Variants in USP53 observed in about 807,000 individuals in gnomAD.
USP53 encodes ubiquitin carboxyl-terminal hydrolase 53.
USP53 carries 71 observed loss-of-function variants against 94.9 expected under a neutral mutation model. That is an observed-to-expected ratio of 0.75 (90% CI 0.62 to 0.91). USP53 has a LOEUF of 0.91. Ranked by LOEUF, USP53 falls within the 40% of genes least tolerant of loss-of-function variation. USP53 has a pLI of 0.00. For missense variants in USP53, 1,173 were observed against 1,281.0 expected (o/e 0.92, Z 1.29); for synonymous variants, 375 against 422.7 (o/e 0.89, Z 1.39).
intron 2 of USP53, among the ~76,000 whole-genome samples, chr4:119,217,064 A>G (rs1416770364): frequency 6.6e-6 from 1 of 152,156 alleles, no homozygotes; most frequent in Admixed American, 6.5e-5. Flanking sequence ...ATTTTTAATG[A>G]TTGAGTAGTT....
Position 119,290,118 on chromosome 4 carries a change from G to A in USP53, c.2252-1047G>A, listed in dbSNP as rs188839904. Among the ~76,000 whole-genome samples the A allele has an allele frequency of 3.6e-4, 55 of 152,198 alleles. No homozygotes were observed. The East Asian group carries it at 9.8e-3, about 27-fold the overall frequency. ...CTCTCCAGTGAATTCTCCTAGAATC[G>A]TTGTTCAGAGGGAAATAGACCTGCT... On this transcript the variant is annotated intron_variant, in intron 17 of 18. Transcript: ENST00000692078.
intron 11 of USP53, 129 bp downstream of exon 11, chr4:119,260,782 T>A: frequency 1.0e-6 from 1 of 975,670 alleles, no homozygotes; most frequent in Non-Finnish European, 1.5e-6. Context: ...CTACATAGAC[T>A]AGGAATGGCT....
At chr4:119,214,481 T>A (rs1743436921) in intron 2 of USP53, among the ~76,000 whole-genome samples, 1 of 152,090 alleles carries the variant, frequency 6.6e-6, no homozygotes, top group African/African-American at 2.4e-5. Context: ...TGTATGTAGA[T>A]TGTGTAAGTT....
intron 17 of USP53, among the ~76,000 whole-genome samples, chr4:119,287,767 T>G (rs1159991958): frequency 6.6e-6 from 1 of 152,236 alleles, no homozygotes. Context: ...TATTTGATGT[T>G]CACACTAGTG....
intron 1 of USP53, among the ~76,000 whole-genome samples, chr4:119,213,773 G>A (rs973711383): frequency 1.3e-5 from 2 of 151,390 alleles, no homozygotes; most frequent in Non-Finnish European, 2.9e-5. Context: ...AGCTACTCGG[G>A]AGGCTGAGGC....
chr4:119,284,138 A>G (rs1753826006), intron 17 of USP53, among the ~76,000 whole-genome samples: 1 of 151,712 alleles, frequency 6.6e-6, no homozygotes, highest in South Asian at 2.1e-4. Context: ...ATTAAGCAGA[A>G]TAAGGATTAA....
intron 17 of USP53, among the ~76,000 whole-genome samples, chr4:119,282,749 A>G (rs2149462667): frequency 6.6e-6 from 1 of 152,062 alleles, no homozygotes; most frequent in African/African-American, 2.4e-5. Context: ...CTTGCTGTGC[A>G]TGGTTTTTTC....
chr4:119,243,198 C>T (rs1228081274), intron 5 of USP53, among the ~76,000 whole-genome samples: 2 of 152,090 alleles, frequency 1.3e-5, no homozygotes, highest in African/African-American at 2.4e-5. Context: ...ATATAATCAA[C>T]ATTTTAAAAT....
chr4:119,227,878 A>T (rs1347478982), intron 3 of USP53, among the ~76,000 whole-genome samples: 1 of 152,200 alleles, frequency 6.6e-6, no homozygotes, highest in African/African-American at 2.4e-5. Flanking sequence ...AAGCAAAAGA[A>T]TATTACTCAG....
At chr4:119,266,633 G>T (rs564837828) in intron 12 of USP53, among the ~76,000 whole-genome samples, 3 of 151,648 alleles carry the variant, frequency 2.0e-5, no homozygotes, top group Admixed American at 6.6e-5. Context: ...CCAGTATTTC[G>T]CATTGGATTA....
chr4:119,294,570 TAA>T lies in USP53; in HGVS notation c.*1361_*1362del, dbSNP rs1043610419. The T allele has an allele frequency of 6.6e-6, 1 of 152,134 alleles. No homozygotes were observed. The highest frequency in any genetic ancestry group is 1.5e-5 in the Non-Finnish European group (1 of 67,950). The allele number at this position is 152,134 out of a possible 1,614,324, so 9.4% of individuals were successfully genotyped here. On this transcript the variant is annotated 3_prime_UTR_variant, in exon 19 of 19. Coordinates refer to ENST00000692078, the MANE Select transcript of USP53 (RefSeq NM_001371395.1). The stretch of plus-strand genomic sequence containing the variant: ...ACTCCTGATAACTGAGAAACAGAAC[TAA>T]AGTTTTCCTTACATTGCTAAATGGA...
intron 17 of USP53, among the ~76,000 whole-genome samples, chr4:119,278,303 C>G (rs1752939550): frequency 1.3e-5 from 2 of 152,098 alleles, no homozygotes; most frequent in East Asian, 3.9e-4. Flanking sequence ...CTAGTGGTGA[C>G]AAAATCGGTC....
chr4:119,245,563 A>T, intron 6 of USP53, 134 bp downstream of exon 6: 1 of 667,772 alleles, frequency 1.5e-6, no homozygotes. Context: ...AATTCTTAAC[A>T]GTATGACTTA....
intron 17 of USP53, among the ~76,000 whole-genome samples, chr4:119,289,003 A>G (rs1288066184): frequency 6.6e-6 from 1 of 151,722 alleles, no homozygotes; most frequent in Admixed American, 6.6e-5. Flanking sequence ...GTGTTGATAC[A>G]TTTCACTAAT....
At position 119,239,214 on chromosome 4, in the gene USP53, G is replaced by A. The variant is rs779815008; in HGVS notation, c.-542-4G>A. ...TTATTTAAACTTTTTTTTCTTTTTT[G>A]TAGATTTGCTTTGAGGTCACATTGA... On this transcript the variant is annotated splice_region_variant and splice_polypyrimidine_tract_variant and intron_variant, in intron 4 of 18. Coordinates refer to ENST00000692078, the MANE Select transcript of USP53 (RefSeq NM_001371395.1). 2 of 148,060 alleles carry A rather than the reference G, an allele frequency of 1.4e-5. No individual in the cohort carries two copies. The highest frequency in any genetic ancestry group is 3.0e-5 in the Non-Finnish European group (2 of 66,916). 9.2% of individuals were successfully genotyped at this position (148,060 alleles called of 1,614,324 possible).
At position 119,293,335 on chromosome 4, in the gene USP53, C is replaced by A; in HGVS notation, c.*124C>A. The A allele has an allele frequency of 9.0e-7, 1 of 1,115,682 alleles. No homozygotes were observed. Among genetic ancestry groups the A allele is most frequent in the Non-Finnish European group, 1.2e-6 (1 of 810,426 alleles). The allele number at this position is 1,115,682 out of a possible 1,614,324, so 69.1% of individuals were successfully genotyped here. On this transcript the variant is annotated 3_prime_UTR_variant, in exon 19 of 19. Transcript: ENST00000692078. ...GTAAAACTGACCAACTTTTACTTCTCAGAGGCCATTTAAATATAATAGGAA... is the reference window on the plus strand; with the variant it reads ...GTAAAACTGACCAACTTTTACTTCTAAGAGGCCATTTAAATATAATAGGAA...
chr4:119,223,399 T>TGG lies in USP53; in HGVS notation c.-665+5726_-665+5727insGG, dbSNP rs765542973. 1.1e-4 allele frequency among the ~76,000 whole-genome samples: 17 copies of TGG among 152,290 alleles called. No individual in the cohort carries two copies. In the East Asian group the frequency reaches 2.5e-3, roughly 22 times the overall value. On this transcript the variant is annotated intron_variant, in intron 3 of 18. Coordinates refer to ENST00000692078, the MANE Select transcript of USP53 (RefSeq NM_001371395.1). Reference sequence around the variant, plus strand: ...AAAGTGTACATTTGGAAGTGGCAGATCTGTAAATTAATTCCTTTAAATCTA... The same window carrying TGG: ...AAAGTGTACATTTGGAAGTGGCAGATGGCTGTAAATTAATTCCTTTAAATCTA...
intron 7 of USP53, among the ~76,000 whole-genome samples, chr4:119,250,319 C>T (rs973099207): frequency 6.6e-6 from 1 of 152,188 alleles, no homozygotes; most frequent in Non-Finnish European, 1.5e-5. Flanking sequence ...GACCAAACCA[C>T]CCAATCCATT....
chr4:119,224,188 C>T (rs564599621), intron 3 of USP53, among the ~76,000 whole-genome samples: 19 of 151,826 alleles, frequency 1.3e-4, no homozygotes, highest in South Asian at 8.3e-4. Flanking sequence ...TTAGTAGAGA[C>T]GGGGTTTCAC....
Sources: gnomAD v4.1 joint callset for allele counts (sites outside exome capture counted in the v4.1 genomes callset) on GRCh38, gnomAD v4.1.1 for gene constraint, MANE v1.5 for transcripts, NCBI Gene and HGNC (gene_info 2026-07-23, HGNC 2026-07-21) for gene names.